The following SORCS1 variants were observed in gnomAD, a reference collection of about 807,000 sequenced individuals.
The protein encoded by SORCS1 is VPS10 domain-containing receptor SorCS1.
SORCS1 carries 60 observed loss-of-function variants against 146.1 expected under a neutral mutation model. That is an observed-to-expected ratio of 0.41 (90% CI 0.33 to 0.51). The LOEUF (loss-of-function observed/expected upper bound fraction) is 0.51. SORCS1 is among the 20% of genes least tolerant of loss of function. SORCS1 has a pLI of 0.21. For missense variants in SORCS1, 1,352 were observed against 1,487.6 expected (o/e 0.91, Z 1.50); for synonymous variants, 637 against 584.0 (o/e 1.09, Z -1.31).
intron 2 of SORCS1, among the ~76,000 whole-genome samples, chr10:106,850,771 G>C (rs930604469): frequency 1.3e-5 from 2 of 152,074 alleles, no homozygotes; most frequent in Non-Finnish European, 1.5e-5. Flanking sequence ...CCTTCATTTG[G>C]ATGCCTCATG....
intron 24 of SORCS1, among the ~76,000 whole-genome samples, chr10:106,588,860 CAAAAAAAAAAAA>C (rs778852501): frequency 0.013 from 459 of 35,128 alleles, 5 homozygotes; most frequent in African/African-American, 0.035. Flanking sequence ...GACTCCATCT[CAAAAAAAAAAAA>C]AAAAAAAAAA....
intron 1 of SORCS1, among the ~76,000 whole-genome samples, chr10:107,153,204 G>A (rs1968975743): frequency 6.7e-6 from 1 of 149,196 alleles, no homozygotes; most frequent in Non-Finnish European, 1.5e-5. Flanking sequence ...TCCTTGTTCT[G>A]GAGCTCTCTT....
At chr10:107,055,964 T>G (rs913828030) in intron 1 of SORCS1, among the ~76,000 whole-genome samples, 3 of 152,200 alleles carry the variant, frequency 2.0e-5, no homozygotes, top group African/African-American at 7.2e-5. Context: ...TGCCCTTCTT[T>G]ACAGACTCCC....
At chr10:107,027,997 G>C (rs886684640) in intron 1 of SORCS1, among the ~76,000 whole-genome samples, 4 of 152,182 alleles carry the variant, frequency 2.6e-5, no homozygotes, top group African/African-American at 7.2e-5. Context: ...ATGAATGAAT[G>C]AGTTTTGGTG....
At chr10:106,659,406 A>G (rs1367032826) in intron 17 of SORCS1, among the ~76,000 whole-genome samples, 1 of 152,246 alleles carries the variant, frequency 6.6e-6, no homozygotes, top group African/African-American at 2.4e-5. Flanking sequence ...ATCACTTAAT[A>G]TCGAGAATCA....
intron 6 of SORCS1, among the ~76,000 whole-genome samples, chr10:106,726,163 T>C (rs898208922): frequency 6.9e-6 from 1 of 144,658 alleles, no homozygotes; most frequent in Non-Finnish European, 1.5e-5. Context: ...GCCTTGGTTA[T>C]TGAGACAATC....
chr10:106,960,607 TGAG>T lies in SORCS1; in HGVS notation c.559-4030_559-4028del, dbSNP rs1459219519. 2.6e-5 allele frequency among the ~76,000 whole-genome samples: 4 copies of T among 152,090 alleles called. No individual in the cohort carries two copies. The highest frequency in any genetic ancestry group is 5.9e-5 in the Non-Finnish European group (4 of 68,010). Reference sequence around the variant, plus strand: ...TAGTAGAGATGGGATTTCACCATGTTGAGGAGAATGGTCTCGATCTCTTGACCT... The same window carrying T: ...TAGTAGAGATGGGATTTCACCATGTTGAGAATGGTCTCGATCTCTTGACCT... On this transcript the variant is annotated intron_variant, in intron 1 of 25. Transcript: ENST00000263054. The surrounding 1 kb of genome is among the most constrained non-coding windows in gnomAD (Gnocchi z 4.4).
At chr10:106,934,218 C>T (rs1953573184) in intron 2 of SORCS1, among the ~76,000 whole-genome samples, 2 of 151,654 alleles carry the variant, frequency 1.3e-5, no homozygotes, top group Admixed American at 6.6e-5. Flanking sequence ...ATTAGTACAG[C>T]CTCTTGGGAA....
intron 19 of SORCS1, among the ~76,000 whole-genome samples, chr10:106,622,693 A>G (rs1192341865): frequency 6.6e-6 from 1 of 151,726 alleles, no homozygotes; most frequent in Non-Finnish European, 1.5e-5. Flanking sequence ...CTACAACTAA[A>G]TGTTCTGCTA....
At chr10:107,019,642 C>T (rs1355087483) in intron 1 of SORCS1, among the ~76,000 whole-genome samples, 1 of 152,192 alleles carries the variant, frequency 6.6e-6, no homozygotes, top group South Asian at 2.1e-4. Flanking sequence ...AATGCCCTAA[C>T]CGTCCAAGCA....
intron 17 of SORCS1, among the ~76,000 whole-genome samples, chr10:106,654,942 C>T (rs897117119): frequency 6.6e-6 from 1 of 152,050 alleles, no homozygotes; most frequent in African/African-American, 2.4e-5. Context: ...CTGCAGCTTC[C>T]ACCTCCTGGG....
intron 2 of SORCS1, among the ~76,000 whole-genome samples, chr10:106,882,838 G>A (rs558924037): frequency 6.6e-6 from 1 of 152,070 alleles, no homozygotes; most frequent in African/African-American, 2.4e-5. Context: ...CTTGGATTTG[G>A]GGCTCTGCAC....
intron 2 of SORCS1, among the ~76,000 whole-genome samples, chr10:106,905,787 T>C (rs569500004): frequency 1.3e-5 from 2 of 152,370 alleles, no homozygotes; most frequent in South Asian, 2.1e-4. Context: ...TGCATTTGTA[T>C]GTATATCAGA....
intron 6 of SORCS1, among the ~76,000 whole-genome samples, chr10:106,724,109 C>A (rs1448232674): frequency 1.3e-5 from 2 of 152,042 alleles, no homozygotes; most frequent in Non-Finnish European, 2.9e-5. Flanking sequence ...ATAAAAATTT[C>A]TGTGATTTCT....
At chr10:106,877,731 T>G (rs886689562) in intron 2 of SORCS1, among the ~76,000 whole-genome samples, 1 of 152,140 alleles carries the variant, frequency 6.6e-6, no homozygotes, top group African/African-American at 2.4e-5. Flanking sequence ...ACAGCTTCAG[T>G]GAGGAATTAC....
chr10:107,139,698 T>C (rs1275307532), intron 1 of SORCS1, among the ~76,000 whole-genome samples: 1 of 152,212 alleles, frequency 6.6e-6, no homozygotes, highest in Non-Finnish European at 1.5e-5. Flanking sequence ...AACCATATCA[T>C]CTAGTCTTTT....
intron 17 of SORCS1, among the ~76,000 whole-genome samples, chr10:106,654,799 GC>G (rs1850152025): frequency 6.6e-6 from 1 of 152,046 alleles, no homozygotes; most frequent in Non-Finnish European, 1.5e-5. Context: ...TAAGATAACT[GC>G]CCATGCTGGT....
intron 18 of SORCS1, among the ~76,000 whole-genome samples, chr10:106,640,378 CCTTATT>C (rs1848997163): frequency 6.6e-6 from 1 of 152,256 alleles, no homozygotes; most frequent in South Asian, 2.1e-4. Context: ...CATGAATTTT[CCTTATT>C]AAGTTTCAGT....
chr10:107,155,202 T>C (rs1161487813), intron 1 of SORCS1, among the ~76,000 whole-genome samples: 1 of 152,216 alleles, frequency 6.6e-6, no homozygotes, highest in Non-Finnish European at 1.5e-5. Context: ...TCATGGTTTC[T>C]ATTGAGAAGC....
Sources: allele counts gnomAD v4.1 joint callset (sites outside exome capture counted in the v4.1 genomes callset), GRCh38; gene constraint gnomAD v4.1.1; non-coding constraint Gnocchi (gnomAD v3.1); transcripts MANE v1.5; gene names NCBI Gene and HGNC (gene_info 2026-07-23, HGNC 2026-07-21).